Variants in PTK2 observed in about 807,000 individuals in gnomAD.
PTK2 encodes the protein focal adhesion kinase 1.
A neutral mutation model predicts 150.1 loss-of-function variants in PTK2; 45 were observed. That is an observed-to-expected ratio of 0.30 (90% CI 0.24 to 0.38). The LOEUF (loss-of-function observed/expected upper bound fraction) is 0.38. PTK2 is among the 10% of genes least tolerant of loss of function. The pLI is 1.00. For synonymous variants in PTK2, 432 were observed against 449.2 expected, an observed-to-expected ratio of 0.96 and a Z score of 0.48; for missense variants, 919 against 1,307.3, an observed-to-expected ratio of 0.70 and a Z score of 4.58.
In PTK2 at chr8:140,859,607, A is replaced by G. The variant is rs577854040; in HGVS notation, c.450+4705T>C. On this transcript the variant is annotated intron_variant, in intron 5 of 31. Coordinates refer to ENST00000522684, the Ensembl canonical transcript of PTK2. ...ATGCGTATCATCAAATTCTGAGGCCATTATAAAGTGACTAATTTATCTCAC... is the reference window on the plus strand; with the variant it reads ...ATGCGTATCATCAAATTCTGAGGCCGTTATAAAGTGACTAATTTATCTCAC... Among the ~76,000 whole-genome samples, 4 of 152,324 alleles carry G rather than the reference A, an allele frequency of 2.6e-5. No individual in the cohort carries two copies. In the East Asian group the frequency reaches 5.8e-4, roughly 22 times the overall value.
At chr8:140,910,189 C>T (rs909319597) in intron 2 of PTK2, among the ~76,000 whole-genome samples, 14 of 152,054 alleles carry the variant, frequency 9.2e-5, no homozygotes, top group Admixed American at 7.9e-4. Flanking sequence ...GATATTCTAA[C>T]AGTATTTTGT....
At chr8:140,745,846 G>A (rs373829059) in intron 18 of PTK2, among the ~76,000 whole-genome samples, 1 of 151,668 alleles carries the variant, frequency 6.6e-6, no homozygotes, top group African/African-American at 2.4e-5. Flanking sequence ...TTAAAAATGC[G>A]AAAATTAGCT....
At chr8:140,785,996 C>A (rs1460718888) in intron 14 of PTK2, among the ~76,000 whole-genome samples, 1 of 152,174 alleles carries the variant, frequency 6.6e-6, no homozygotes, top group Non-Finnish European at 1.5e-5. Flanking sequence ...AATTCACTAT[C>A]TATGGTTTGA....
intron 5 of PTK2, among the ~76,000 whole-genome samples, chr8:140,853,800 A>G (rs542890385): frequency 1.5e-4 from 23 of 152,360 alleles, no homozygotes; most frequent in African/African-American, 5.5e-4. Flanking sequence ...GAGTTAGACT[A>G]CATTACATTT....
intron 7 of PTK2, among the ~76,000 whole-genome samples, chr8:140,844,064 T>A (rs1309511863): frequency 6.6e-6 from 1 of 152,164 alleles, no homozygotes; most frequent in Non-Finnish European, 1.5e-5. Context: ...TTGTAAAATG[T>A]CCCTGAAGAG....
At chr8:140,882,931 A>G (rs2100150008) in intron 3 of PTK2, among the ~76,000 whole-genome samples, 1 of 152,222 alleles carries the variant, frequency 6.6e-6, no homozygotes, top group South Asian at 2.1e-4. Context: ...ACATTAATGA[A>G]TAAAATTAAT....
chr8:140,705,589 G>A (rs1003256680), intron 24 of PTK2, among the ~76,000 whole-genome samples: 5 of 152,186 alleles, frequency 3.3e-5, no homozygotes, highest in African/African-American at 9.7e-5. Flanking sequence ...CCTGTGCATT[G>A]TAAGGTATAC....
chr8:140,897,277 T>TTA (rs2100156672), intron 2 of PTK2, among the ~76,000 whole-genome samples: 1 of 152,166 alleles, frequency 6.6e-6, no homozygotes. Context: ...AACATTTTTT[T>TTA]AAAGATAAAC....
At chr8:140,778,644 G>T (rs1207155883) in intron 14 of PTK2, among the ~76,000 whole-genome samples, 1 of 152,204 alleles carries the variant, frequency 6.6e-6, no homozygotes, top group East Asian at 1.9e-4. Flanking sequence ...CAGCAGACAT[G>T]GGACAGAACG....
rs144765072 is a variant in PTK2, at chr8:140,999,593, C to G, written c.-122+1532G>C. On this transcript the variant is annotated intron_variant, in intron 1 of 31. Transcript: ENST00000522684. Reference sequence around the variant, plus strand: ...GGATGAAAATATTATCTATACTGTACCCCAACAAAAATACGTTGAATGCTA... The same window carrying G: ...GGATGAAAATATTATCTATACTGTAGCCCAACAAAAATACGTTGAATGCTA... 6.8e-3 allele frequency among the ~76,000 whole-genome samples: 1,033 copies of G among 152,226 alleles called. 10 individuals are homozygous for G. The highest frequency in any genetic ancestry group is 0.024 in the African/African-American group (977 of 41,518).
intron 2 of PTK2, among the ~76,000 whole-genome samples, chr8:140,902,948 T>TTTTTG (rs2100159319): frequency 1.4e-5 from 2 of 143,438 alleles, no homozygotes; most frequent in Non-Finnish European, 3.1e-5. Context: ...TTTTTTTTTT[T>TTTTTG]TTTTTTTTTT....
intron 2 of PTK2, among the ~76,000 whole-genome samples, chr8:140,911,537 AT>A (rs2154607999): frequency 6.6e-6 from 1 of 152,294 alleles, no homozygotes; most frequent in South Asian, 2.1e-4. Context: ...TAATAGTATA[AT>A]TTATAAAATA....
Position 140,952,018 on chromosome 8 carries a change from A to C in PTK2, c.-121-26269T>G, listed in dbSNP as rs116669973. 4.2e-3 allele frequency among the ~76,000 whole-genome samples: 643 copies of C among 152,256 alleles called. 8 individuals carry two copies. The highest frequency in any genetic ancestry group is 0.015 in the African/African-American group (625 of 41,534). On this transcript the variant is annotated intron_variant, in intron 1 of 31. Transcript: ENST00000522684. ...TTTCGTTTCCCAGCACATTACACTA[A>C]GAATGTAAGTTTTGTATTTCTGCTA... is the stretch of plus-strand genomic sequence containing the variant.
chr8:140,979,662 A>G (rs980014045), intron 1 of PTK2, among the ~76,000 whole-genome samples: 10 of 152,194 alleles, frequency 6.6e-5, no homozygotes, highest in African/African-American at 2.2e-4. Context: ...AGCTCCCACA[A>G]TTCCTATGTG....
chr8:140,907,162 C>T (rs911492181), intron 2 of PTK2, among the ~76,000 whole-genome samples: 1 of 152,212 alleles, frequency 6.6e-6, no homozygotes, highest in Non-Finnish European at 1.5e-5. Context: ...CATTCCAACA[C>T]ATGCTTGCTT....
chr8:140,768,455 C>G (rs1009303732), intron 14 of PTK2, among the ~76,000 whole-genome samples: 2 of 152,224 alleles, frequency 1.3e-5, no homozygotes, highest in South Asian at 2.1e-4. Flanking sequence ...TGAGACCTTT[C>G]CCAGATGAAG....
chr8:140,688,105 C>T (rs1458164951), intron 26 of PTK2, among the ~76,000 whole-genome samples: 2 of 152,150 alleles, frequency 1.3e-5, no homozygotes, highest in Non-Finnish European at 2.9e-5. Context: ...TTTTGGATCA[C>T]TTATGGAAAA....
intron 23 of PTK2, among the ~76,000 whole-genome samples, chr8:140,717,163 G>C (rs567979490): frequency 7.0e-4 from 107 of 152,310 alleles, no homozygotes; most frequent in African/African-American, 2.5e-3. Context: ...AAAATGTGCA[G>C]AGTTCTCAAC....
intron 2 of PTK2, among the ~76,000 whole-genome samples, chr8:140,891,709 G>T (rs2100154310): frequency 6.6e-6 from 1 of 152,212 alleles, no homozygotes; most frequent in African/African-American, 2.4e-5. Flanking sequence ...ACACTCTGCA[G>T]GTTGTCTCCT....
Sources: gnomAD v4.1 joint callset for allele counts (sites outside exome capture counted in the v4.1 genomes callset) on GRCh38, gnomAD v4.1.1 for gene constraint, MANE v1.5 for transcripts, NCBI Gene and HGNC (gene_info 2026-07-23, HGNC 2026-07-21) for gene names.